The following SCUBE1 variants were observed in gnomAD, a reference collection of about 807,000 sequenced individuals.
The protein encoded by SCUBE1 is signal peptide, CUB and EGF-like domain-containing protein 1.
In SCUBE1, 59 loss-of-function variants were observed where a neutral mutation model predicts 124.4. The ratio of observed to expected loss-of-function variants is 0.47; its 90% CI spans 0.38 to 0.59. The LOEUF (loss-of-function observed/expected upper bound fraction) is 0.59, where lower values mean the gene tolerates loss of function less well. SCUBE1 is among the 20% of genes least tolerant of loss of function. The pLI is 0.00. For missense variants in SCUBE1, 1,150 were observed against 1,371.2 expected, an observed-to-expected ratio of 0.84 and a Z score of 2.55; for synonymous variants, 545 against 550.9, an observed-to-expected ratio of 0.99 and a Z score of 0.15.
intron 5 of SCUBE1, among the ~76,000 whole-genome samples, chr22:43,260,517 C>T (rs1373777232): frequency 6.6e-6 from 1 of 152,226 alleles, no homozygotes; most frequent in Non-Finnish European, 1.5e-5. Context: ...AGCCCCCAAC[C>T]CAGCTTGAGA....
At chr22:43,296,600 T>C (rs978182288) in intron 3 of SCUBE1, among the ~76,000 whole-genome samples, 4 of 151,740 alleles carry the variant, frequency 2.6e-5, no homozygotes, top group African/African-American at 4.8e-5. Context: ...ACGGGGGAGG[T>C]AGAGTGGAGA....
chr22:43,271,349 TCAGTGAATGCACAGAAACC>T (rs930336321), intron 4 of SCUBE1, among the ~76,000 whole-genome samples: 8 of 152,088 alleles, frequency 5.3e-5, no homozygotes, highest in Non-Finnish European at 1.2e-4. Flanking sequence ...TGCCTAACAC[TCAGTGAATGCACAGAAACC>T]CAGTGAATGC....
intron 3 of SCUBE1, among the ~76,000 whole-genome samples, chr22:43,302,126 C>T (rs557819042): frequency 3.3e-5 from 5 of 152,216 alleles, no homozygotes; most frequent in Non-Finnish European, 7.3e-5. Context: ...GCTCATCTGC[C>T]GCCTTAGCCT....
chr22:43,238,634 G>A (rs1240630168), intron 7 of SCUBE1: 12 of 650,658 alleles, frequency 1.8e-5, no homozygotes, highest in Middle Eastern at 4.1e-4. Flanking sequence ...GTGTTCTCTC[G>A]AACTCTGCTG....
In SCUBE1 at chr22:43,198,370, T is replaced by C. The variant is rs1246166113; in HGVS notation, c.*5627A>G. Reference sequence around the variant, plus strand: ...TGGGAGGGCACGCAGGCCATGCCTGTGTTGTCTGGGCTTCAAGGATGCTTT... The same window carrying C: ...TGGGAGGGCACGCAGGCCATGCCTGCGTTGTCTGGGCTTCAAGGATGCTTT... On this transcript the variant is annotated 3_prime_UTR_variant, in exon 22 of 22. Coordinates refer to ENST00000360835, the MANE Select transcript of SCUBE1 (RefSeq NM_173050.5). 5.4e-6 allele frequency: 2 copies of C among 369,230 alleles called. No individual in the cohort carries two copies. Among genetic ancestry groups the C allele is most frequent in the African/African-American group, 4.2e-5 (2 of 47,260 alleles). The allele number at this position is 369,230 out of a possible 1,614,324, so 22.9% of individuals were successfully genotyped here.
At chr22:43,330,123 G>A (rs749736067) in intron 2 of SCUBE1, among the ~76,000 whole-genome samples, 1 of 151,676 alleles carries the variant, frequency 6.6e-6, no homozygotes. Flanking sequence ...CACAGACAGC[G>A]AGGCCCCTTC....
At chr22:43,252,871 T>C (rs1328939276) in intron 6 of SCUBE1, among the ~76,000 whole-genome samples, 1 of 147,318 alleles carries the variant, frequency 6.8e-6, no homozygotes, top group Non-Finnish European at 1.5e-5. Context: ...GGGGGCAGGA[T>C]GGGAACGGTC....
In SCUBE1 at chr22:43,200,466, T is replaced by C. The variant is rs1920985195; in HGVS notation, c.*3531A>G. Reference sequence around the variant, plus strand: ...CACTTCCCTTTTCTCTACACCTCCATCTTGAACCAGGTGGAATAGCCACCT... The same window carrying C: ...CACTTCCCTTTTCTCTACACCTCCACCTTGAACCAGGTGGAATAGCCACCT... On this transcript the variant is annotated 3_prime_UTR_variant, in exon 22 of 22. Transcript: ENST00000360835. 6.6e-6 allele frequency: 1 copy of C among 152,308 alleles called. No homozygotes were observed. The allele number at this position is 152,308 out of a possible 1,614,324, so 9.4% of individuals were successfully genotyped here.
intron 3 of SCUBE1, among the ~76,000 whole-genome samples, chr22:43,315,150 G>A (rs1246541896): frequency 1.3e-5 from 2 of 152,104 alleles, no homozygotes; most frequent in Admixed American, 6.6e-5. Flanking sequence ...CCAGCTTGAA[G>A]CCTTTGCTGG....
intron 15 of SCUBE1, among the ~76,000 whole-genome samples, chr22:43,215,542 A>G (rs1921772116): frequency 6.6e-6 from 1 of 152,214 alleles, no homozygotes; most frequent in Middle Eastern, 3.2e-3. Context: ...TGGCGAGTGA[A>G]AGTGAAGCCA....
At position 43,231,100 on chromosome 22, in the gene SCUBE1, G is replaced by A. The variant is rs1002642025; in HGVS notation, c.967+653C>T. On this transcript the variant is annotated intron_variant, in intron 8 of 21. Coordinates refer to ENST00000360835, the MANE Select transcript of SCUBE1 (RefSeq NM_173050.5). The stretch of plus-strand genomic sequence containing the variant: ...TGTCTCCTTCCTCATGGCCTCATCC[G>A]GCCCCACCAAGTTCCTTGTGGTCCC... 4.6e-5 allele frequency among the ~76,000 whole-genome samples: 7 copies of A among 152,122 alleles called. No homozygotes were observed. In the East Asian group the frequency reaches 5.8e-4, roughly 13 times the overall value.
At chr22:43,299,754 G>A (rs1925696839) in intron 3 of SCUBE1, among the ~76,000 whole-genome samples, 2 of 152,156 alleles carry the variant, frequency 1.3e-5, no homozygotes, top group South Asian at 4.1e-4. Context: ...CATCATGCCA[G>A]AAAGAGGACC....
At chr22:43,214,390 C>G in intron 15 of SCUBE1, 139 bp from the exon 16 acceptor site, 1 of 739,648 alleles carries the variant, frequency 1.4e-6, no homozygotes, top group Non-Finnish European at 2.1e-6. Flanking sequence ...GGGCCCCTGA[C>G]CTATCCCAGA....
At chr22:43,220,314 AAGCTGGGCTCCCATCCCAGCCAC>A (rs1487148249) in intron 14 of SCUBE1, 113 bp downstream of exon 14, 2 of 1,000,750 alleles carry the variant, frequency 2.0e-6, no homozygotes, top group African/African-American at 3.2e-5. Flanking sequence ...CTGTCTCCAG[AAGCTGGGCTCCCATCCCAGCCAC>A]AGCTGTGCTC....
chr22:43,212,436 C>A lies in SCUBE1; in HGVS notation c.2210G>T (p.Cys737Phe), dbSNP rs1363834347. 1.3e-6 allele frequency: 2 copies of A among 1,551,420 alleles called. No homozygotes were observed. The highest frequency in any genetic ancestry group is 1.7e-6 in the Non-Finnish European group (2 of 1,147,384). ...GAGGGCATGCTCACCTTTAGCCTCGCAGTCCTGGAAGGAGGTGGTGCCTTC... is the reference window on the plus strand; with the variant it reads ...GAGGGCATGCTCACCTTTAGCCTCGAAGTCCTGGAAGGAGGTGGTGCCTTC... ...KHEGTTSFQD[C>F]EAKVHCSPGH... The change falls in exon 17 of 22, where the codon TGC (cysteine) becomes TTC (phenylalanine). Residue 737 changes from cysteine to phenylalanine, a missense_variant. Transcript: ENST00000360835.
chr22:43,257,418 T>G lies in SCUBE1; in HGVS notation c.727+801A>C, dbSNP rs373903659. 3.3e-5 allele frequency among the ~76,000 whole-genome samples: 5 copies of G among 152,302 alleles called. No individual in the cohort carries two copies. In the East Asian group the frequency reaches 9.6e-4, roughly 29 times the overall value. On this transcript the variant is annotated intron_variant, in intron 6 of 21. Coordinates refer to ENST00000360835, the MANE Select transcript of SCUBE1 (RefSeq NM_173050.5). The stretch of plus-strand genomic sequence containing the variant: ...ACTCCACCCTTTCTCAGTTAAAAAA[T>G]GTGCTGCTATTTTTAAGTGGGAGAA...
Position 43,211,041 on chromosome 22 carries a change from C to T in SCUBE1, c.2264G>A (p.Arg755His), listed in dbSNP as rs750932015. ...GGTGCCGACGGGGCAGCGGATGCAG[C>T]GGTGGGTGGTGGTGTTGTAGTGGTG... Reference protein sequence around the residue: ...PGHHYNTTTHRCIRCPVGTYQ... With the variant: ...PGHHYNTTTHHCIRCPVGTYQ... The change falls in exon 18 of 22, where the codon CGC becomes CAC. Residue 755 changes from arginine (R) to histidine (H), a missense_variant. Arg to His is a conservative substitution (Grantham distance 29). Transcript: ENST00000360835. The surrounding 1 kb of genome is among the most constrained non-coding windows in gnomAD (Gnocchi z 4.5). 1.7e-5 allele frequency: 28 copies of T among 1,613,710 alleles called. No individual in the cohort carries two copies. Among genetic ancestry groups the T allele is most frequent in the Non-Finnish European group, 2.2e-5 (26 of 1,179,938 alleles).
chr22:43,222,872 C>A, intron 11 of SCUBE1, 130 bp from the exon 12 acceptor site: 1 of 954,758 alleles, frequency 1.0e-6, no homozygotes. Context: ...GTTTCTGCTA[C>A]ACAACCACAG....
rs1193419486 is a variant in SCUBE1 at position 43,255,612 on chromosome 22, TG to T, written c.727+2606del. ...AAGTAAGGGACAAACACGGAGCCAG[TG>T]GTTAATGACAGCCCACTTCCCGCGG... On this transcript the variant is annotated intron_variant, in intron 6 of 21. Transcript: ENST00000360835. This position sits in a 1 kb window ranked among gnomAD's most constrained non-coding sequence, Gnocchi z 4.7. The T allele has an allele frequency of 2.0e-6, 3 of 1,528,622 alleles. No homozygotes were observed. The African/African-American group carries it at 4.1e-5, about 21-fold the overall frequency. 94.7% of individuals were successfully genotyped at this position (1,528,622 alleles called of 1,614,324 possible).
Sources: allele counts gnomAD v4.1 joint callset (sites outside exome capture counted in the v4.1 genomes callset), GRCh38; gene constraint gnomAD v4.1.1; non-coding constraint Gnocchi (gnomAD v3.1); transcripts MANE v1.5; gene names NCBI Gene and HGNC (gene_info 2026-07-23, HGNC 2026-07-21).